The following TBC1D19 variants were observed in gnomAD, a reference collection of about 807,000 sequenced individuals.
TBC1D19 encodes TBC1 domain family member 19.
Under a neutral mutation model 89.0 loss-of-function variants are expected in TBC1D19, and 60 were observed. That is an observed-to-expected ratio of 0.67 (90% CI 0.55 to 0.84). The LOEUF is 0.84. Ranked by LOEUF, TBC1D19 falls within the 40% of genes least tolerant of loss-of-function variation. TBC1D19 has a pLI of 0.00. For synonymous variants in TBC1D19, 189 were observed against 199.7 expected (o/e 0.95, Z 0.45); for missense variants, 500 against 610.8 (o/e 0.82, Z 1.91).
chr4:26,588,448 A>AT (rs373058007), intron 1 of TBC1D19, among the ~76,000 whole-genome samples: 3 of 151,088 alleles, frequency 2.0e-5, no homozygotes, highest in Admixed American at 1.3e-4. Flanking sequence ...TTCCTTTATT[A>AT]TTTTTTTCTG....
At chr4:26,601,221 C>T (rs968574792) in intron 1 of TBC1D19, among the ~76,000 whole-genome samples, 1 of 152,144 alleles carries the variant, frequency 6.6e-6, no homozygotes, top group Non-Finnish European at 1.5e-5. Flanking sequence ...GTAGTAACCA[C>T]TGTTCTACGG....
chr4:26,718,525 C>T (rs534854194), intron 14 of TBC1D19, among the ~76,000 whole-genome samples: 16 of 152,128 alleles, frequency 1.1e-4, no homozygotes, highest in African/African-American at 2.9e-4. Flanking sequence ...AGCTGAATGC[C>T]CTTCCCAACT....
At chr4:26,722,626 C>T (rs1048743106) in intron 15 of TBC1D19, among the ~76,000 whole-genome samples, 4 of 152,124 alleles carry the variant, frequency 2.6e-5, no homozygotes, top group African/African-American at 7.2e-5. Context: ...GAAGGTATCA[C>T]TAAGTTGCAG....
At chr4:26,814,175 T>C in the TBC1D19 span, among the ~76,000 whole-genome samples, 1 of 152,234 alleles carries the variant, frequency 6.6e-6, no homozygotes, top group East Asian at 1.9e-4. Flanking sequence ...CCACGGTCCC[T>C]GTAGTGCCCT....
intron 16 of TBC1D19, among the ~76,000 whole-genome samples, chr4:26,736,571 G>A (rs1578002778): frequency 1.3e-5 from 2 of 152,090 alleles, no homozygotes; most frequent in Admixed American, 1.3e-4. Context: ...CTGTGAAAAT[G>A]GTCCTGTGGT....
At chr4:26,594,176 T>C (rs997289562) in intron 1 of TBC1D19, among the ~76,000 whole-genome samples, 1 of 152,150 alleles carries the variant, frequency 6.6e-6, no homozygotes, top group African/African-American at 2.4e-5. Context: ...AATGATGAGT[T>C]CATGTCCTTT....
chr4:26,720,229 A>G (rs1716889566), intron 15 of TBC1D19, 104 bp downstream of exon 15: 2 of 829,286 alleles, frequency 2.4e-6, no homozygotes, highest in East Asian at 2.8e-5. Flanking sequence ...ATCATTTATT[A>G]TCTAAAATAA....
chr4:26,653,534 T>C (rs1370363842), intron 7 of TBC1D19, among the ~76,000 whole-genome samples: 1 of 152,196 alleles, frequency 6.6e-6, no homozygotes, highest in Non-Finnish European at 1.5e-5. Flanking sequence ...GTCTCAGGAC[T>C]TGCTTTATGA....
chr4:26,735,399 AC>A, intron 15 of TBC1D19, 55 bp from the exon 16 acceptor site: 1 of 1,374,834 alleles, frequency 7.3e-7, no homozygotes, highest in South Asian at 1.4e-5. Context: ...TTTAAAGCTT[AC>A]CTAATAATCA....
At chr4:26,808,662 G>A in the TBC1D19 span, among the ~76,000 whole-genome samples, 2 of 149,086 alleles carry the variant, frequency 1.3e-5, no homozygotes, top group African/African-American at 2.5e-5. Flanking sequence ...CCGGGAGGTG[G>A]AGGTTGCAGT....
chr4:26,739,768 T>G, intron 16 of TBC1D19, 96 bp from the exon 17 acceptor site: 1 of 673,138 alleles, frequency 1.5e-6, no homozygotes, highest in South Asian at 3.5e-5. Flanking sequence ...GTGTATATGA[T>G]TACTATAAAA....
intron 1 of TBC1D19, among the ~76,000 whole-genome samples, chr4:26,591,607 G>A (rs985044151): frequency 6.6e-6 from 1 of 151,974 alleles, no homozygotes; most frequent in East Asian, 1.9e-4. Context: ...TAATAAAGAA[G>A]AAAAGAGAGA....
In TBC1D19 at chr4:26,643,285, G is replaced by A. The variant is rs556214110; in HGVS notation, c.480+3098G>A. Reference sequence around the variant, plus strand: ...AGGATTAAGAAACTTACTCAAAACCGCACAACTACATGGAAACTGAACAAC... The same window carrying A: ...AGGATTAAGAAACTTACTCAAAACCACACAACTACATGGAAACTGAACAAC... On this transcript the variant is annotated intron_variant, in intron 7 of 20. Coordinates refer to ENST00000264866, the MANE Select transcript of TBC1D19 (RefSeq NM_018317.4). 5.3e-5 allele frequency among the ~76,000 whole-genome samples: 8 copies of A among 152,244 alleles called. No homozygotes were observed. The East Asian group carries it at 7.7e-4, about 15-fold the overall frequency.
the TBC1D19 span, among the ~76,000 whole-genome samples, chr4:26,822,153 C>T: frequency 2.0e-5 from 3 of 152,214 alleles, no homozygotes; most frequent in Admixed American, 6.5e-5. Context: ...AGCTGTCAGT[C>T]GCTGGGGTTT....
At chr4:26,670,719 A>G (rs530006186) in intron 9 of TBC1D19, among the ~76,000 whole-genome samples, 50 of 151,822 alleles carry the variant, frequency 3.3e-4, no homozygotes, top group African/African-American at 1.1e-3. Context: ...CCTTAGGCAC[A>G]CATTCAGATT....
chr4:26,640,876 T>C (rs1036259260), intron 7 of TBC1D19, among the ~76,000 whole-genome samples: 2 of 151,968 alleles, frequency 1.3e-5, no homozygotes, highest in African/African-American at 4.8e-5. Context: ...GAGGCTTGAG[T>C]AGGTAAACAA....
At chr4:26,849,801 C>A in the TBC1D19 span, among the ~76,000 whole-genome samples, 1 of 152,198 alleles carries the variant, frequency 6.6e-6, no homozygotes, top group Non-Finnish European at 1.5e-5. Context: ...AATCCTAAAT[C>A]CATTTCTCAG....
At chr4:26,726,472 AAAGT>A (rs1021794490) in intron 15 of TBC1D19, among the ~76,000 whole-genome samples, 23 of 152,360 alleles carry the variant, frequency 1.5e-4, no homozygotes, top group Admixed American at 6.5e-4. Flanking sequence ...CTAAAATTTT[AAAGT>A]AAGATTTTCA....
At chr4:26,828,872 A>G in the TBC1D19 span, among the ~76,000 whole-genome samples, 1 of 152,270 alleles carries the variant, frequency 6.6e-6, no homozygotes, top group African/African-American at 2.4e-5. Flanking sequence ...GGCACTGAGT[A>G]CATGTTAGAT....
Sources: gnomAD v4.1 joint callset for allele counts (sites outside exome capture counted in the v4.1 genomes callset) on GRCh38, gnomAD v4.1.1 for gene constraint, MANE v1.5 for transcripts, NCBI Gene and HGNC (gene_info 2026-07-23, HGNC 2026-07-21) for gene names.